The following PRRG1 variants were observed in gnomAD, a reference collection of about 807,000 sequenced individuals.
PRRG1 encodes transmembrane gamma-carboxyglutamic acid protein 1.
PRRG1 carries 5 observed loss-of-function variants against 11.8 expected under a neutral mutation model. The observed-to-expected ratio is 0.42, with a 90% CI of 0.22 to 0.89. The LOEUF (loss-of-function observed/expected upper bound fraction) is 0.89. Ranked by LOEUF, PRRG1 falls within the 40% of genes least tolerant of loss-of-function variation. PRRG1 has a pLI of 0.28. For synonymous variants in PRRG1, 66 were observed against 60.4 expected, an observed-to-expected ratio of 1.09 and a Z score of -0.43; for missense variants, 155 against 166.1, an observed-to-expected ratio of 0.93 and a Z score of 0.37.
At chrX:37,393,973 G>C (rs1374604247) in intron 1 of PRRG1, among the ~76,000 whole-genome samples, 4 of 111,899 alleles carry the variant, frequency 3.6e-5, no homozygotes, top group African/African-American at 1.3e-4. Context: ...GAGTTTTAAT[G>C]TTGGCATTTT....
intron 1 of PRRG1, among the ~76,000 whole-genome samples, chrX:37,351,942 G>A (rs782301735): frequency 9.8e-5 from 11 of 112,064 alleles, no homozygotes; most frequent in South Asian, 3.7e-4. Context: ...AAGTATTTTC[G>A]GCCTTTGGCT....
At chrX:37,445,316 G>A (rs1348004770) in intron 3 of PRRG1, among the ~76,000 whole-genome samples, 1 of 111,986 alleles carries the variant, frequency 8.9e-6, no homozygotes, top group Non-Finnish European at 1.9e-5. Flanking sequence ...CTCAAAGTTG[G>A]TCTGGACCAA....
intron 2 of PRRG1, among the ~76,000 whole-genome samples, chrX:37,410,463 G>A (rs1932321506): frequency 9.0e-6 from 1 of 111,610 alleles, no homozygotes; most frequent in Non-Finnish European, 1.9e-5. Context: ...TAAAAACTTA[G>A]GAGCTCTCTG....
At position 37,453,698 on chromosome X, in the gene PRRG1, A is replaced by T. The variant is rs1175545029; in HGVS notation, c.*77A>T. The T allele has an allele frequency of 5.1e-6, 5 of 973,560 alleles. No individual in the cohort carries two copies. The highest frequency in any genetic ancestry group is 2.0e-5 in the African/African-American group (1 of 50,814). The allele number at this position is 973,560 out of a possible 1,213,427, so 80.2% of individuals were successfully genotyped here. On this transcript the variant is annotated 3_prime_UTR_variant, in exon 4 of 4. Transcript: ENST00000378628. The stretch of plus-strand genomic sequence containing the variant: ...CTTTCTAGCACTTTACCACTACATA[A>T]ATGTTCATTGACTTATTTTATTGGA...
At chrX:37,416,844 G>A (rs1357573000) in intron 2 of PRRG1, among the ~76,000 whole-genome samples, 1 of 111,848 alleles carries the variant, frequency 8.9e-6, no homozygotes, top group Non-Finnish European at 1.9e-5. Context: ...CCCCTTTAAA[G>A]AAAACTTTGC....
chrX:37,417,706 T>G (rs1335812254), intron 2 of PRRG1, among the ~76,000 whole-genome samples: 1 of 111,599 alleles, frequency 9.0e-6, no homozygotes, highest in East Asian at 2.8e-4. Flanking sequence ...AGTACCTATT[T>G]AACACCTATT....
At chrX:37,369,018 C>A (rs1302952557) in intron 1 of PRRG1, among the ~76,000 whole-genome samples, 2 of 111,667 alleles carry the variant, frequency 1.8e-5, no homozygotes, top group Non-Finnish European at 3.8e-5. Flanking sequence ...TCACACAGCC[C>A]ACAAGGCACT....
At chrX:37,453,082 T>C in intron 3 of PRRG1, 54 bp from the exon 4 acceptor site, 1 of 1,091,854 alleles carries the variant, frequency 9.2e-7, no homozygotes, top group East Asian at 3.2e-5. Flanking sequence ...TCATCTGGTA[T>C]TTTCCATCTT....
chrX:37,429,008 CT>C (rs1556389189), intron 3 of PRRG1, among the ~76,000 whole-genome samples: 1 of 112,591 alleles, frequency 8.9e-6, no homozygotes, highest in Non-Finnish European at 1.9e-5. Context: ...ACCTTAGCCC[CT>C]TTTAGCAATG....
chrX:37,362,863 T>A (rs1320113111), intron 1 of PRRG1, among the ~76,000 whole-genome samples: 1 of 111,409 alleles, frequency 9.0e-6, no homozygotes, highest in African/African-American at 3.3e-5. Flanking sequence ...GAGCAAATCC[T>A]GTGTTAAAAT....
intron 1 of PRRG1, among the ~76,000 whole-genome samples, chrX:37,389,482 G>A (rs782775224): frequency 1.8e-5 from 2 of 111,184 alleles, no homozygotes; most frequent in Non-Finnish European, 3.8e-5. Flanking sequence ...TTGGCTTCTG[G>A]GAAAGCCTCA....
At chrX:37,433,279 G>C (rs6610163) in intron 3 of PRRG1, among the ~76,000 whole-genome samples, 18,012 of 111,007 alleles carry the variant, frequency 0.16, 1,844 homozygotes, top group African/African-American at 0.38. Flanking sequence ...AGCTTCACTC[G>C]ATATATAGTT....
At chrX:37,418,124 T>C (rs1421930186) in intron 2 of PRRG1, among the ~76,000 whole-genome samples, 6 of 112,356 alleles carry the variant, frequency 5.3e-5, no homozygotes, top group Non-Finnish European at 9.4e-5. Context: ...TAGGATCAGG[T>C]AGCCAGTTTA....
chrX:37,448,477 C>G (rs782216809), intron 3 of PRRG1, among the ~76,000 whole-genome samples: 9 of 111,714 alleles, frequency 8.1e-5, no homozygotes, highest in Non-Finnish European at 1.7e-4. Flanking sequence ...TCTCCAGACC[C>G]TATTCTCCTG....
At chrX:37,451,034 T>G (rs1569450495) in intron 3 of PRRG1, among the ~76,000 whole-genome samples, 1 of 112,199 alleles carries the variant, frequency 8.9e-6, no homozygotes, top group East Asian at 2.8e-4. Flanking sequence ...TTTGTTTTGT[T>G]GAGACAGAGT....
At chrX:37,403,024 T>C (rs1239936345) in intron 1 of PRRG1, among the ~76,000 whole-genome samples, 1 of 110,491 alleles carries the variant, frequency 9.1e-6, no homozygotes, top group Non-Finnish European at 1.9e-5. Context: ...ACTTTTACAC[T>C]GTTGGTGGGA....
chrX:37,430,257 GA>G (rs112360266), intron 3 of PRRG1, among the ~76,000 whole-genome samples: 7 of 108,661 alleles, frequency 6.4e-5, no homozygotes, highest in African/African-American at 2.4e-4. Context: ...ATAGAGCTAG[GA>G]AAAAAAAATC....
At chrX:37,409,108 G>A (rs1932282784) in intron 2 of PRRG1, among the ~76,000 whole-genome samples, 1 of 111,674 alleles carries the variant, frequency 9.0e-6, no homozygotes, top group South Asian at 3.8e-4. Context: ...TTGACTGAAA[G>A]CCTTACCAAT....
In PRRG1 at chrX:37,426,013, G is replaced by A; in HGVS notation, c.171+13G>A. The A allele has an allele frequency of 1.7e-6, 2 of 1,160,664 alleles. No individual in the cohort carries two copies. Among genetic ancestry groups the A allele is most frequent in the Admixed American group, 5.4e-5 (2 of 37,127 alleles). Reference sequence around the variant, plus strand: ...TAATGAAAAAACTGTAAGTATGTTGGCAATTAAAAAGTTGCACAGATTTGC... The same window carrying A: ...TAATGAAAAAACTGTAAGTATGTTGACAATTAAAAAGTTGCACAGATTTGC... On this transcript the variant is annotated intron_variant, in intron 3 of 3. Transcript: ENST00000378628.
Sources: gnomAD v4.1 joint callset for allele counts (sites outside exome capture counted in the v4.1 genomes callset) on GRCh38, gnomAD v4.1.1 for gene constraint, MANE v1.5 for transcripts, NCBI Gene and HGNC (gene_info 2026-07-23, HGNC 2026-07-21) for gene names.